RNF128: variants seen among roughly 807,000 people sequenced by gnomAD.
The protein encoded by RNF128 is E3 ubiquitin-protein ligase RNF128.
RNF128 carries 13 observed loss-of-function variants against 26.2 expected under a neutral mutation model. That is an observed-to-expected ratio of 0.50 (90% CI 0.32 to 0.79). The LOEUF (loss-of-function observed/expected upper bound fraction) is 0.79, where lower values mean the gene tolerates loss of function less well. RNF128 is among the 30% of genes least tolerant of loss of function. The pLI is 0.03. For synonymous variants in RNF128, 149 were observed against 142.5 expected (o/e 1.05, Z -0.32); for missense variants, 315 against 349.7 (o/e 0.90, Z 0.79).
intron 2 of RNF128, among the ~76,000 whole-genome samples, chrX:106,777,508 G>A (rs997186185): frequency 9.0e-6 from 1 of 111,386 alleles, no homozygotes; most frequent in Non-Finnish European, 1.9e-5. Flanking sequence ...AGTATATACA[G>A]TTGACCCTTA....
chrX:106,773,903 T>G (rs1351080389), intron 2 of RNF128, among the ~76,000 whole-genome samples: 1 of 111,318 alleles, frequency 9.0e-6, no homozygotes, highest in Admixed American at 9.6e-5. Flanking sequence ...CCATGGTTAC[T>G]CCCATGCATA....
At chrX:106,706,729 G>A (rs1929048550) in intron 1 of RNF128, among the ~76,000 whole-genome samples, 1 of 112,388 alleles carries the variant, frequency 8.9e-6, no homozygotes, top group Admixed American at 9.4e-5. Context: ...AAGATGTATA[G>A]GATCTGAAAA....
chrX:106,694,447 T>C, intron 1 of RNF128: 2 of 1,068,730 alleles, frequency 1.9e-6, no homozygotes, highest in South Asian at 2.3e-5. Context: ...TTAATGTCCG[T>C]TTATCTTAGA....
In RNF128 at chrX:106,790,172, T is replaced by G; in HGVS notation, c.888-14T>G. 1 of 1,124,243 alleles carries G rather than the reference T, an allele frequency of 8.9e-7. No individual in the cohort carries two copies. The highest frequency in any genetic ancestry group is 1.2e-6 in the Non-Finnish European group (1 of 820,253). The allele number at this position is 1,124,243 out of a possible 1,213,427, so 92.7% of individuals were successfully genotyped here. The stretch of plus-strand genomic sequence containing the variant: ...TACTTTACAACTGATAATTATGTTT[T>G]TTTCCTGAATTAGCCATATTTTCCA... On this transcript the variant is annotated splice_polypyrimidine_tract_variant and intron_variant, in intron 4 of 6. Transcript: ENST00000255499.
At chrX:106,705,426 T>A (rs1929028721) in intron 1 of RNF128, among the ~76,000 whole-genome samples, 1 of 112,020 alleles carries the variant, frequency 8.9e-6, no homozygotes, top group South Asian at 3.7e-4. Context: ...GGCCTTAGGA[T>A]GTCAAAATTG....
intron 1 of RNF128, among the ~76,000 whole-genome samples, chrX:106,772,562 A>G (rs1930392002): frequency 9.0e-6 from 1 of 111,388 alleles, no homozygotes; most frequent in Admixed American, 9.6e-5. Flanking sequence ...CCTATTTTCT[A>G]CAATTTGGGG....
chrX:106,764,244 C>T (rs142977849), intron 1 of RNF128, among the ~76,000 whole-genome samples: 4,729 of 109,706 alleles, frequency 0.043, 292 homozygotes, highest in African/African-American at 0.15. Flanking sequence ...GAATTACAGG[C>T]GTGAGCCACC....
At chrX:106,696,479 C>T (rs964615046) in intron 1 of RNF128, among the ~76,000 whole-genome samples, 3 of 111,104 alleles carry the variant, frequency 2.7e-5, no homozygotes, top group Non-Finnish European at 3.8e-5. Context: ...TTATTTTATG[C>T]CAACATTTTG....
chrX:106,773,011 G>T lies in RNF128; in HGVS notation c.583G>T (p.Val195Leu). 1 of 1,211,369 alleles carries T rather than the reference G, an allele frequency of 8.3e-7. No individual in the cohort carries two copies. Among genetic ancestry groups the T allele is most frequent in the Non-Finnish European group, 1.1e-6 (1 of 895,341 alleles). The change falls in exon 2 of 7, where the codon GTA (valine) becomes TTA (leucine). Residue 195 changes from valine to leucine, a missense_variant. By Grantham distance (32) the Val-to-Leu change is conservative (BLOSUM62 1). Coordinates refer to ENST00000255499, the MANE Select transcript of RNF128 (RefSeq NM_194463.2). ...RGIQVTMVIE[V>L]GKKHGPWVNH... ...CATACAAGTGACAATGGTCATAGAA[G>T]TAGGGAAAAAACATGGCCCTTGGGT... is the stretch of plus-strand genomic sequence containing the variant.
At chrX:106,794,948 A>G (rs1226549876) in intron 6 of RNF128, among the ~76,000 whole-genome samples, 1 of 111,844 alleles carries the variant, frequency 8.9e-6, no homozygotes, top group African/African-American at 3.2e-5. Context: ...CAGCATTGCT[A>G]ACACATACCC....
intron 1 of RNF128, among the ~76,000 whole-genome samples, chrX:106,744,136 A>G (rs1929753671): frequency 9.0e-6 from 1 of 111,280 alleles, no homozygotes. Flanking sequence ...GCATTAGGAG[A>G]TATACCTAAT....
chrX:106,747,834 A>T (rs12843493), intron 1 of RNF128, among the ~76,000 whole-genome samples: 2 of 112,265 alleles, frequency 1.8e-5, no homozygotes, highest in African/African-American at 6.5e-5. Context: ...TATACAATTC[A>T]TTTCACTGGC....
chrX:106,732,544 C>A (rs780733602), intron 1 of RNF128, among the ~76,000 whole-genome samples: 9 of 111,241 alleles, frequency 8.1e-5, no homozygotes, highest in African/African-American at 2.9e-4. Flanking sequence ...GAGCATTTAT[C>A]AAAGGTCTGC....
chrX:106,752,885 A>G (rs955176869), intron 1 of RNF128, among the ~76,000 whole-genome samples: 3 of 111,604 alleles, frequency 2.7e-5, no homozygotes, highest in Non-Finnish European at 5.6e-5. Flanking sequence ...AAAATCAAGC[A>G]TAAATTCTGG....
intron 2 of RNF128, among the ~76,000 whole-genome samples, chrX:106,782,321 G>A (rs1464507326): frequency 9.0e-6 from 1 of 111,611 alleles, no homozygotes; most frequent in African/African-American, 3.3e-5. Context: ...TTTATCATTT[G>A]CATTTTTCTC....
chrX:106,755,375 C>A lies in RNF128; in HGVS notation c.485-17538C>A, dbSNP rs370066538. 3.5e-4 allele frequency among the ~76,000 whole-genome samples: 39 copies of A among 110,790 alleles called. 1 individual carries two copies. In the South Asian group the frequency reaches 0.015, roughly 43 times the overall value. ...CCCTACTGAAACTATTCTGAAAAAA[C>A]GGAGCAGGAAGAAATACTTCCAGAC... On this transcript the variant is annotated intron_variant, in intron 1 of 6. Transcript: ENST00000255499.
intron 1 of RNF128, among the ~76,000 whole-genome samples, chrX:106,703,543 A>T (rs945780488): frequency 1.8e-5 from 2 of 111,438 alleles, no homozygotes; most frequent in Admixed American, 9.6e-5. Context: ...AGTACACAAT[A>T]CTACCTCTCC....
At position 106,704,137 on chromosome X, in the gene RNF128, A is replaced by G. The variant is rs1010488576; in HGVS notation, c.406+9729A>G. Reference sequence around the variant, plus strand: ...GTCTCCAAGAAGCAGATTTTGATTCATAAGAGTGGGGGAGTAGGCCGGGCG... The same window carrying G: ...GTCTCCAAGAAGCAGATTTTGATTCGTAAGAGTGGGGGAGTAGGCCGGGCG... On this transcript the variant is annotated intron_variant, in intron 1 of 6. Coordinates refer to the RNF128 transcript ENST00000324342. Among the ~76,000 whole-genome samples the G allele has an allele frequency of 3.6e-5, 4 of 110,897 alleles. No individual in the cohort carries two copies. The East Asian group carries it at 1.1e-3, about 32-fold the overall frequency.
chrX:106,712,499 C>T (rs1929144013), intron 1 of RNF128, among the ~76,000 whole-genome samples: 1 of 112,321 alleles, frequency 8.9e-6, no homozygotes, highest in African/African-American at 3.2e-5. Context: ...ACACTTTGAG[C>T]ATGAGCACCT....
Sources: allele counts gnomAD v4.1 joint callset (sites outside exome capture counted in the v4.1 genomes callset), GRCh38; gene constraint gnomAD v4.1.1; transcripts MANE v1.5; gene names NCBI Gene and HGNC (gene_info 2026-07-23, HGNC 2026-07-21).